The following ITGB4 variants were observed in gnomAD, a reference collection of about 807,000 sequenced individuals.
ITGB4 encodes the protein integrin subunit beta 4.
A neutral mutation model predicts 207.6 loss-of-function variants in ITGB4; 159 were observed. That is an observed-to-expected ratio of 0.77 (90% confidence interval 0.67 to 0.87). The LOEUF is 0.87. Ranked by LOEUF, ITGB4 falls within the 40% of genes least tolerant of loss-of-function variation. The probability of loss-of-function intolerance (pLI) is 0.00; values close to 1 mark genes in which losing one functional copy is unlikely to be tolerated. For missense variants in ITGB4, 2,278 were observed against 2,546.8 expected, an observed-to-expected ratio of 0.89 and a Z score of 2.27; for synonymous variants, 1,020 against 1,062.7, an observed-to-expected ratio of 0.96 and a Z score of 0.78.
intron 6 of ITGB4, 99 bp downstream of exon 6, chr17:75,728,572 G>A: frequency 1.0e-6 from 1 of 968,682 alleles, no homozygotes; most frequent in Non-Finnish European, 1.6e-6. Flanking sequence ...TCTACGGCTG[G>A]GCACGGTGGC....
At chr17:75,738,767 C>G (rs79520910) in intron 18 of ITGB4, among the ~76,000 whole-genome samples, 1 of 152,198 alleles carries the variant, frequency 6.6e-6, no homozygotes, top group African/African-American at 2.4e-5. Flanking sequence ...CGTAGTAACC[C>G]CCAGTGTTGT....
Position 75,737,576 on chromosome 17 carries a change from C to A in ITGB4, c.2152C>A (p.Leu718Ile). ...PGSFWWLIPL[L>I]LLLLPLLALL... is the part of the protein sequence containing the mutation. Reference sequence around the variant, plus strand: ...CTCCTTCTGGTGGCTCATCCCCCTGCTCCTCCTCCTCCTGCCGCTCCTGGC... The same window carrying A: ...CTCCTTCTGGTGGCTCATCCCCCTGATCCTCCTCCTCCTGCCGCTCCTGGC... Residue 718 changes from leucine (L) to isoleucine (I), a missense_variant, in exon 18 of 40, where the codon CTC becomes ATC. Transcript: ENST00000200181. 6.2e-7 allele frequency: 1 copy of A among 1,602,380 alleles called. No homozygotes were observed.
chr17:75,750,027 C>T lies in ITGB4; in HGVS notation c.3317-84C>T. 2 of 1,558,872 alleles carry T rather than the reference C, an allele frequency of 1.3e-6. No homozygotes were observed. Among genetic ancestry groups the T allele is most frequent in the Non-Finnish European group, 8.8e-7 (1 of 1,130,958 alleles). On this transcript the variant is annotated intron_variant, in intron 27 of 39. Transcript: ENST00000200181. This position sits in a 1 kb window ranked among gnomAD's most constrained non-coding sequence, Gnocchi z 5.5. ...GAGTTGAATGCGCTGGGTAGAGCGC[C>T]CTGGGTGTTGAAGTGGGTCTCTGGC... is the stretch of plus-strand genomic sequence containing the variant.
intron 5 of ITGB4, 147 bp downstream of exon 5, chr17:75,728,002 A>T (rs1033931757): frequency 1.3e-6 from 1 of 758,740 alleles, no homozygotes; most frequent in Non-Finnish European, 2.2e-6. Context: ...TCCATTCTCA[A>T]GGGAAGAATC....
Position 75,755,225 on chromosome 17 carries a change from G to A in ITGB4, c.4558+410G>A, listed in dbSNP as rs763655130. 5 of 1,597,682 alleles carry A rather than the reference G, an allele frequency of 3.1e-6. 1 individual carries two copies. In the South Asian group the frequency reaches 4.4e-5, roughly 14 times the overall value. On this transcript the variant is annotated intron_variant, in intron 34 of 39. Transcript: ENST00000200181. ...CTCCTGGGGCCCAGGTAGTACAGGG[G>A]TGGCCATCCTGTCTCCACAGCTGTC... is the stretch of plus-strand genomic sequence containing the variant.
intron 27 of ITGB4, among the ~76,000 whole-genome samples, chr17:75,749,569 A>G (rs1388080799): frequency 6.6e-6 from 1 of 152,186 alleles, no homozygotes; most frequent in Non-Finnish European, 1.5e-5. Context: ...ATTCAAATGT[A>G]ACTAGGCATC....
Position 75,740,255 on chromosome 17 carries a change from C to A in ITGB4, c.2447-103C>A. ...CGGTGTGCGTGGCCTGCTGGCCAGG[C>A]ATCCCCTGATCCTAGCATGGTTGCT... On this transcript the variant is annotated intron_variant, in intron 20 of 39. Coordinates refer to ENST00000200181, the MANE Select transcript of ITGB4 (RefSeq NM_000213.5). This position sits in a 1 kb window ranked among gnomAD's most constrained non-coding sequence, Gnocchi z 5.9. 1.6e-6 allele frequency: 2 copies of A among 1,271,948 alleles called. No individual in the cohort carries two copies. The highest frequency in any genetic ancestry group is 2.2e-6 in the Non-Finnish European group (2 of 895,964). 78.8% of individuals were successfully genotyped at this position (1,271,948 alleles called of 1,614,324 possible). A position where few individuals can be genotyped will look rare whatever the true frequency, so the allele number is the denominator to read the frequency against.
Position 75,739,990 on chromosome 17 carries a change from G to T in ITGB4, c.2365G>T (p.Val789Leu). The change falls in exon 20 of 40, where the codon GTG (valine) becomes TTG (leucine). Residue 789 changes from valine (V) to leucine (L), a missense_variant. By Grantham distance (32) the Val-to-Leu change is conservative. Transcript: ENST00000200181. The surrounding 1 kb of genome is among the most constrained non-coding windows in gnomAD (Gnocchi z 5.4). ...CAGCGGGAACCTCAAGGGCCGTGAC[G>T]TGGTCCGCTGGAAGGTCACCAACAA... ...LRSGNLKGRD[V>L]VRWKVTNNMQ... 6.2e-7 allele frequency: 1 copy of T among 1,613,250 alleles called. No individual in the cohort carries two copies.
chr17:75,730,108 G>T, intron 7 of ITGB4, 133 bp from the exon 8 acceptor site: 3 of 1,156,976 alleles, frequency 2.6e-6, no homozygotes, highest in East Asian at 2.5e-5. Context: ...TCTTTCATGA[G>T]GGCACTTGCT....
Position 75,739,720 on chromosome 17 carries a change from T to C in ITGB4, c.2254+15T>C. ...CTGCAACCGAGGTATGGGCCTGGCATCGCAGGGGCAGCAGGGGCTCTGACT... is the reference window on the plus strand; with the variant it reads ...CTGCAACCGAGGTATGGGCCTGGCACCGCAGGGGCAGCAGGGGCTCTGACT... On this transcript the variant is annotated intron_variant, in intron 19 of 39. Transcript: ENST00000200181. This position sits in a 1 kb window ranked among gnomAD's most constrained non-coding sequence, Gnocchi z 5.4. The C allele has an allele frequency of 6.2e-7, 1 of 1,614,114 alleles. No homozygotes were observed. Among genetic ancestry groups the C allele is most frequent in the Non-Finnish European group, 8.5e-7 (1 of 1,180,010 alleles).
chr17:75,726,080 G>GT (rs1416618229), intron 2 of ITGB4, among the ~76,000 whole-genome samples: 2 of 152,376 alleles, frequency 1.3e-5, no homozygotes, highest in East Asian at 3.9e-4. Flanking sequence ...TCTGGCTTGA[G>GT]TGGGAAGTCC....
chr17:75,728,986 CAAAAAA>C, intron 6 of ITGB4, among the ~76,000 whole-genome samples: 1 of 45,214 alleles, frequency 2.2e-5, no homozygotes, highest in South Asian at 7.0e-4. Context: ...TCTGTCTCAA[CAAAAAA>C]AAAAAAAAAA....
At chr17:75,756,674 A>T in intron 36 of ITGB4, 30 bp from the exon 37 acceptor site, 1 of 1,612,958 alleles carries the variant, frequency 6.2e-7, no homozygotes, top group African/African-American at 1.3e-5. Flanking sequence ...ACCCACCCAC[A>T]GGCTGATGCT....
At position 75,736,640 on chromosome 17, in the gene ITGB4, C is replaced by A; in HGVS notation, c.1936C>A (p.Arg646Ser). ...GTGGGGCACCGGCGAGAAGAAGGGG[C>A]GCACGTGTGAGGAATGCAACTTCAA... Reference protein sequence around the residue: ...QAWGTGEKKGRTCEECNFKVK... With the variant: ...QAWGTGEKKGSTCEECNFKVK... The change falls in exon 16 of 40, where the codon CGC (arginine) becomes AGC (serine). Residue 646 changes from arginine to serine, a missense_variant. Arg to Ser is a moderately radical substitution (Grantham distance 110). Coordinates refer to ENST00000200181, the MANE Select transcript of ITGB4 (RefSeq NM_000213.5). 6.2e-7 allele frequency: 1 copy of A among 1,600,640 alleles called. No individual in the cohort carries two copies. Among genetic ancestry groups the A allele is most frequent in the African/African-American group, 1.3e-5 (1 of 75,012 alleles).
At position 75,750,265 on chromosome 17, in the gene ITGB4, C is replaced by T; in HGVS notation, c.3471C>T (p.Tyr1157=). The T allele has an allele frequency of 6.2e-7, 1 of 1,609,496 alleles. No homozygotes were observed. Among genetic ancestry groups the T allele is most frequent in the Non-Finnish European group, 8.5e-7 (1 of 1,176,986 alleles). ...CCCCTTCTGGCAAGCCAATGGGGTA[C>T]AGGGTAAGGCGGGGGGCTGAGGGTC... ...WLPPSGKPMG[Y]RVKYWIQGDS... is the part of the protein sequence containing the mutation. Residue 1157 remains tyrosine (Y), a synonymous_variant, in exon 28 of 40, where the codon TAC becomes TAT. Coordinates refer to ENST00000200181, the MANE Select transcript of ITGB4 (RefSeq NM_000213.5). This position sits in a 1 kb window ranked among gnomAD's most constrained non-coding sequence, Gnocchi z 5.5.
At chr17:75,730,760 C>A (rs369751306) in intron 8 of ITGB4, 115 bp from the exon 9 acceptor site, 9 of 1,114,138 alleles carry the variant, frequency 8.1e-6, no homozygotes, top group Admixed American at 3.4e-5. Flanking sequence ...GCAGGCTCTG[C>A]GACACCACAG....
chr17:75,729,171 A>G lies in ITGB4; in HGVS notation c.567-94A>G. On this transcript the variant is annotated intron_variant, in intron 6 of 39. Coordinates refer to ENST00000200181, the MANE Select transcript of ITGB4 (RefSeq NM_000213.5). The surrounding 1 kb of genome is among the most constrained non-coding windows in gnomAD (Gnocchi z 4.4). Reference sequence around the variant, plus strand: ...GAGACTTGGTCTCAAAAAAAAAAAAAAAAATTCTCCTTCTAGTTGAAACGA... The same window carrying G: ...GAGACTTGGTCTCAAAAAAAAAAAAGAAAATTCTCCTTCTAGTTGAAACGA... 1.6e-6 allele frequency: 2 copies of G among 1,259,598 alleles called. No individual in the cohort carries two copies. The highest frequency in any genetic ancestry group is 2.9e-5 in the South Asian group (2 of 68,962). The allele number at this position is 1,259,598 out of a possible 1,614,324, so 78.0% of individuals were successfully genotyped here.
Position 75,750,674 on chromosome 17 carries a change from G to A in ITGB4, c.3475-6G>A. ...TGCTGACCAGGACCCCTGTCCCTGG[G>A]GGTAGGTAAAGTACTGGATTCAGGG... On this transcript the variant is annotated splice_polypyrimidine_tract_variant and splice_region_variant and intron_variant, in intron 28 of 39. Transcript: ENST00000200181. This position sits in a 1 kb window ranked among gnomAD's most constrained non-coding sequence, Gnocchi z 5.5. 2 of 1,612,834 alleles carry A rather than the reference G, an allele frequency of 1.2e-6. No individual in the cohort carries two copies. The highest frequency in any genetic ancestry group is 1.7e-6 in the Non-Finnish European group (2 of 1,179,922).
At position 75,730,592 on chromosome 17, in the gene ITGB4, C is replaced by T. The variant is rs555107664; in HGVS notation, c.1002+88C>T. The stretch of plus-strand genomic sequence containing the variant: ...GACACCTCTCCCTCCCTCCCTCCCT[C>T]CCTCCCTCCCTTCCTCCCTTCCTCC... On this transcript the variant is annotated intron_variant, in intron 8 of 39. Transcript: ENST00000200181. 13 of 1,238,214 alleles carry T rather than the reference C, an allele frequency of 1.0e-5. No homozygotes were observed. The South Asian group carries it at 1.6e-4, about 16-fold the overall frequency. 76.7% of individuals were successfully genotyped at this position (1,238,214 alleles called of 1,614,324 possible).
Sources: gnomAD v4.1 joint callset for allele counts (sites outside exome capture counted in the v4.1 genomes callset) on GRCh38, gnomAD v4.1.1 for gene constraint, Gnocchi (gnomAD v3.1) non-coding constraint, MANE v1.5 for transcripts, NCBI Gene and HGNC (gene_info 2026-07-23, HGNC 2026-07-21) for gene names.